DKK2: variants seen among roughly 807,000 people sequenced by gnomAD.
DKK2 encodes the protein dickkopf-related protein 2.
In DKK2, 11 loss-of-function variants were observed where a neutral mutation model predicts 28.1. The observed-to-expected ratio is 0.39, with a 90% CI of 0.25 to 0.65. DKK2 has a LOEUF of 0.65. Among genes scored for constraint, DKK2 ranks in the 30% least tolerant of loss-of-function variants. The pLI is 0.47. For missense variants in DKK2, 326 were observed against 335.5 expected (o/e 0.97, Z 0.22); for synonymous variants, 135 against 126.5 (o/e 1.07, Z -0.45).
chr4:106,942,438 C>T (rs140486584), intron 1 of DKK2, among the ~76,000 whole-genome samples: 40 of 152,240 alleles, frequency 2.6e-4, no homozygotes, highest in East Asian at 2.3e-3. Context: ...TGTATTGCTG[C>T]TACTTCTTTT....
At chr4:106,964,138 A>G (rs543736999) in intron 1 of DKK2, among the ~76,000 whole-genome samples, 8 of 152,286 alleles carry the variant, frequency 5.3e-5, no homozygotes, top group African/African-American at 1.9e-4. Context: ...CTGGAATATT[A>G]TTAATGAAAT....
intron 1 of DKK2, among the ~76,000 whole-genome samples, chr4:107,024,105 C>G (rs1398289399): frequency 6.6e-6 from 1 of 152,084 alleles, no homozygotes; most frequent in African/African-American, 2.4e-5. Flanking sequence ...TTGGTTATTT[C>G]TCTGAACTTT....
intron 1 of DKK2, among the ~76,000 whole-genome samples, chr4:106,934,345 T>C (rs1056633724): frequency 1.6e-4 from 25 of 152,212 alleles, no homozygotes; most frequent in Non-Finnish European, 1.5e-5. Context: ...TTATGCTTTA[T>C]GGTTTCATAC....
intron 1 of DKK2, among the ~76,000 whole-genome samples, chr4:106,983,781 A>G (rs1198767006): frequency 6.6e-6 from 1 of 152,248 alleles, no homozygotes; most frequent in Non-Finnish European, 1.5e-5. Context: ...AAATAATCCT[A>G]TTAGAAAGTA....
In DKK2 at chr4:107,009,304, T is replaced by G. The variant is rs919568429; in HGVS notation, c.222+26066A>C. On this transcript the variant is annotated intron_variant, in intron 1 of 3. Transcript: ENST00000285311. The stretch of plus-strand genomic sequence containing the variant: ...TTTTGAGATCTGAAGAATTCAAAAA[T>G]AAAATAAAAATAGTGAAATGTAAAG... 2.0e-5 allele frequency among the ~76,000 whole-genome samples: 3 copies of G among 151,842 alleles called. No individual in the cohort carries two copies. In the South Asian group the frequency reaches 6.2e-4, roughly 31 times the overall value.
At chr4:106,946,580 A>G (rs1460963262) in intron 1 of DKK2, among the ~76,000 whole-genome samples, 1 of 152,138 alleles carries the variant, frequency 6.6e-6, no homozygotes, top group East Asian at 1.9e-4. Flanking sequence ...ACTAATCTTC[A>G]AGAAGCAGCC....
At chr4:106,954,662 C>T (rs1198400087) in intron 1 of DKK2, among the ~76,000 whole-genome samples, 2 of 152,090 alleles carry the variant, frequency 1.3e-5, no homozygotes, top group Admixed American at 1.3e-4. Flanking sequence ...GCTGGGACTA[C>T]AGGTGTGTGC....
chr4:107,005,196 C>T (rs1201275440), intron 1 of DKK2, among the ~76,000 whole-genome samples: 1 of 151,914 alleles, frequency 6.6e-6, no homozygotes, highest in Non-Finnish European at 1.5e-5. Context: ...AAAAAATTAG[C>T]TGGGCGTGGT....
chr4:106,940,383 G>A (rs1381045411), intron 1 of DKK2, among the ~76,000 whole-genome samples: 1 of 151,902 alleles, frequency 6.6e-6, no homozygotes, highest in Non-Finnish European at 1.5e-5. Context: ...GGCCGTCAGA[G>A]AAATGCAAAT....
intron 1 of DKK2, among the ~76,000 whole-genome samples, chr4:106,979,701 G>A (rs530462387): frequency 1.3e-5 from 2 of 152,346 alleles, no homozygotes; most frequent in South Asian, 4.1e-4. Context: ...GCTTGCACGT[G>A]TTCAGGATCA....
chr4:107,021,114 G>A (rs1723685553), intron 1 of DKK2, among the ~76,000 whole-genome samples: 2 of 152,018 alleles, frequency 1.3e-5, no homozygotes, highest in South Asian at 4.1e-4. Flanking sequence ...ACATGGAAAG[G>A]TTTACAATTA....
chr4:106,989,525 C>A (rs570976362), intron 1 of DKK2, among the ~76,000 whole-genome samples: 5 of 152,114 alleles, frequency 3.3e-5, no homozygotes, highest in Non-Finnish European at 7.3e-5. Flanking sequence ...ATATTTCCTT[C>A]CATTCAGGGA....
intron 1 of DKK2, among the ~76,000 whole-genome samples, chr4:106,995,978 T>A (rs1471733215): frequency 6.6e-6 from 1 of 152,194 alleles, no homozygotes; most frequent in Non-Finnish European, 1.5e-5. Context: ...ACTTCCATGT[T>A]TTTACTCAAC....
chr4:106,985,307 G>C (rs1723099907), intron 1 of DKK2, among the ~76,000 whole-genome samples: 1 of 151,794 alleles, frequency 6.6e-6, no homozygotes, highest in South Asian at 2.1e-4. Context: ...ACTATAAGAA[G>C]CAGCATGAGA....
Position 106,924,243 on chromosome 4 carries a change from T to G in DKK2, c.530-39A>C, listed in dbSNP as rs1389787460. On this transcript the variant is annotated intron_variant, in intron 3 of 3. Transcript: ENST00000285311. Reference sequence around the variant, plus strand: ...GACCAATAGATGTTACCCTGACACTTCAGAAAAAAAAAATTCTATTTTGCA... The same window carrying G: ...GACCAATAGATGTTACCCTGACACTGCAGAAAAAAAAAATTCTATTTTGCA... The G allele has an allele frequency of 3.8e-6, 6 of 1,582,800 alleles. No homozygotes were observed. In the Admixed American group the frequency reaches 1.2e-4, roughly 30 times the overall value.
intron 1 of DKK2, among the ~76,000 whole-genome samples, chr4:107,028,899 C>A (rs573967723): frequency 6.6e-6 from 1 of 152,134 alleles, no homozygotes; most frequent in Non-Finnish European, 1.5e-5. Flanking sequence ...GAGTTTGTTG[C>A]TGGTTTTGAA....
At chr4:106,946,389 T>C (rs967970786) in intron 1 of DKK2, among the ~76,000 whole-genome samples, 1 of 152,150 alleles carries the variant, frequency 6.6e-6, no homozygotes, top group Non-Finnish European at 1.5e-5. Context: ...GGAAGTAAGA[T>C]GAGTTGAAAG....
In DKK2 at chr4:107,035,713, C is replaced by T. The variant is rs1578387078; in HGVS notation, c.-122G>A. 6.2e-6 allele frequency: 6 copies of T among 973,448 alleles called. No homozygotes were observed. The East Asian group carries it at 1.5e-4, about 25-fold the overall frequency. 60.3% of individuals were successfully genotyped at this position (973,448 alleles called of 1,614,324 possible). ...CGGGGGCTTGCAGATTGTGTTCCCT[C>T]AACCCTTCCTGGTTCGGGGACCCAG... On this transcript the variant is annotated 5_prime_UTR_variant, in exon 1 of 4. Coordinates refer to ENST00000285311, the MANE Select transcript of DKK2 (RefSeq NM_014421.3).
chr4:106,938,684 T>C (rs1724640389), intron 1 of DKK2, among the ~76,000 whole-genome samples: 1 of 152,102 alleles, frequency 6.6e-6, no homozygotes, highest in Non-Finnish European at 1.5e-5. Flanking sequence ...ACCAATATCC[T>C]TGATGAACAT....
Sources: gnomAD v4.1 joint callset for allele counts (sites outside exome capture counted in the v4.1 genomes callset) on GRCh38, gnomAD v4.1.1 for gene constraint, MANE v1.5 for transcripts, NCBI Gene and HGNC (gene_info 2026-07-23, HGNC 2026-07-21) for gene names.